Variants in MYOC observed in about 807,000 individuals in gnomAD.
MYOC encodes juvenile-onset open-angle glaucoma 1.
In MYOC, 29 loss-of-function variants were observed where a neutral mutation model predicts 28.2. The ratio of observed to expected loss-of-function variants is 1.03; its 90% confidence interval spans 0.77 to 1.40. MYOC has a LOEUF of 1.40. Among genes scored for constraint, MYOC ranks in the 40% most tolerant of loss-of-function variants. The probability of loss-of-function intolerance (pLI) is 0.00; values close to 1 mark genes in which losing one functional copy is unlikely to be tolerated. For missense variants in MYOC, 569 were observed against 620.6 expected (o/e 0.92, Z 0.88); for synonymous variants, 240 against 245.6 (o/e 0.98, Z 0.21).
chr1:171,637,881 G>A (rs1289759718), intron 2 of MYOC, among the ~76,000 whole-genome samples: 1 of 152,160 alleles, frequency 6.6e-6, no homozygotes, highest in Non-Finnish European at 1.5e-5. Context: ...CCAAAGTGCT[G>A]GGATTACAGG....
intron 1 of MYOC, among the ~76,000 whole-genome samples, chr1:171,641,552 G>A (rs766929483): frequency 3.9e-5 from 6 of 152,184 alleles, no homozygotes; most frequent in Non-Finnish European, 8.8e-5. Flanking sequence ...CTCTGGATTG[G>A]TTGGTTTGCA....
intron 1 of MYOC, among the ~76,000 whole-genome samples, chr1:171,646,501 G>GTTTTTTTTTTTTT (rs370758061): frequency 7.7e-6 from 1 of 129,900 alleles, no homozygotes; most frequent in Non-Finnish European, 1.6e-5. Context: ...TTTTTTTTTT[G>GTTTTTTTTTTTTT]TTTTTTTTTT....
At chr1:171,637,807 T>C (rs183571766) in intron 2 of MYOC, among the ~76,000 whole-genome samples, 1 of 151,994 alleles carries the variant, frequency 6.6e-6, no homozygotes, top group Non-Finnish European at 1.5e-5. Flanking sequence ...GAGACAGTGT[T>C]TCACCATGTT....
At chr1:171,649,887 A>G (rs1653312378) in intron 1 of MYOC, among the ~76,000 whole-genome samples, 1 of 152,234 alleles carries the variant, frequency 6.6e-6, no homozygotes, top group Non-Finnish European at 1.5e-5. Context: ...GACAAGCTGA[A>G]TAACCTCTCT....
chr1:171,636,419 A>C lies in MYOC; in HGVS notation c.1021T>G (p.Ser341Ala). ...AGCTCATATCTTATGACAGTTCTGG[A>C]CTCAGCGCCCTGGAAATAGAGGCTC... ...SGSLYFQGAE[S>A]RTVIRYELNT... The change falls in exon 3 of 3, where the codon TCC becomes GCC. Residue 341 changes from serine to alanine, a missense_variant. Physicochemically the swap from Ser to Ala is moderately conservative, Grantham distance 99 (BLOSUM62 1). Coordinates refer to ENST00000037502, the MANE Select transcript of MYOC (RefSeq NM_000261.2). 1 of 1,614,050 alleles carries C rather than the reference A, an allele frequency of 6.2e-7. No homozygotes were observed. The highest frequency in any genetic ancestry group is 8.5e-7 in the Non-Finnish European group (1 of 1,180,000).
At chr1:171,637,190 G>T (rs967468531) in intron 2 of MYOC, among the ~76,000 whole-genome samples, 1 of 152,048 alleles carries the variant, frequency 6.6e-6, no homozygotes, top group African/African-American at 2.4e-5. Context: ...TACTTAAGCT[G>T]GGCAGGGACC....
Position 171,639,767 on chromosome 1 carries a change from G to T in MYOC, c.605-1045C>A, listed in dbSNP as rs577622409. On this transcript the variant is annotated intron_variant, in intron 1 of 2. Coordinates refer to ENST00000037502, the MANE Select transcript of MYOC (RefSeq NM_000261.2). The stretch of plus-strand genomic sequence containing the variant: ...GGAGTTCAAGACTAGCCTGGCCAGC[G>T]TGGTGAAATTCCATCTTTACTAGAA... Among the ~76,000 whole-genome samples, 40 of 149,746 alleles carry T rather than the reference G, an allele frequency of 2.7e-4. No homozygotes were observed. In the South Asian group the frequency reaches 8.3e-3, roughly 31 times the overall value.
chr1:171,638,089 C>T (rs1013442309), intron 2 of MYOC, among the ~76,000 whole-genome samples: 3 of 152,122 alleles, frequency 2.0e-5, no homozygotes, highest in Non-Finnish European at 4.4e-5. Flanking sequence ...CTGGAAATCA[C>T]AGTATTAGTC....
At chr1:171,642,188 T>C (rs745589718) in intron 1 of MYOC, among the ~76,000 whole-genome samples, 37 of 152,178 alleles carry the variant, frequency 2.4e-4, no homozygotes, top group Non-Finnish European at 3.7e-4. Context: ...GCTACCCTTC[T>C]CTCCTCTCCA....
At chr1:171,638,280 C>G (rs1184237783) in intron 2 of MYOC, among the ~76,000 whole-genome samples, 1 of 152,194 alleles carries the variant, frequency 6.6e-6, no homozygotes, top group Admixed American at 6.5e-5. Context: ...TCAAGTATAT[C>G]TAATTCTACA....
intron 2 of MYOC, among the ~76,000 whole-genome samples, chr1:171,638,351 C>A (rs535636334): frequency 6.6e-5 from 10 of 152,226 alleles, no homozygotes; most frequent in African/African-American, 2.4e-4. Flanking sequence ...CCCAGCCCAG[C>A]CTCCCAAGTG....
intron 1 of MYOC, among the ~76,000 whole-genome samples, chr1:171,647,118 T>C (rs1368199105): frequency 6.6e-6 from 1 of 152,252 alleles, no homozygotes; most frequent in East Asian, 1.9e-4. Flanking sequence ...GACTAGCTAA[T>C]AGACTATTGT....
In MYOC at chr1:171,652,524, C is replaced by T; in HGVS notation, c.88G>A (p.Val30Met). The change falls in exon 1 of 3, where the codon GTG becomes ATG. Residue 30 changes from valine (V) to methionine (M), a missense_variant. Physicochemically the swap from Val to Met is conservative, Grantham distance 21. Coordinates refer to ENST00000037502, the MANE Select transcript of MYOC (RefSeq NM_000261.2). ...LLLLACLVWDVGARTAQLRKA... is the reference protein window; with the variant it reads ...LLLLACLVWDMGARTAQLRKA... ...CTGAGCTGAGCTGTCCTGGCCCCCA[C>T]ATCCCACACCAGGCAGGCCAGAAGC... 1 of 1,614,212 alleles carries T rather than the reference C, an allele frequency of 6.2e-7. No homozygotes were observed. Among genetic ancestry groups the T allele is most frequent in the African/African-American group, 1.3e-5 (1 of 75,050 alleles).
chr1:171,637,481 C>T (rs890182184), intron 2 of MYOC, among the ~76,000 whole-genome samples: 1 of 152,218 alleles, frequency 6.6e-6, no homozygotes, highest in African/African-American at 2.4e-5. Context: ...CCCCTCCCAT[C>T]TCAGCCTCCT....
At chr1:171,637,038 T>C (rs1652939747) in intron 2 of MYOC, among the ~76,000 whole-genome samples, 1 of 152,218 alleles carries the variant, frequency 6.6e-6, no homozygotes. Flanking sequence ...TCAATCTGTG[T>C]TTCATGTTAT....
chr1:171,642,881 C>T (rs1216078297), intron 1 of MYOC, among the ~76,000 whole-genome samples: 1 of 81,232 alleles, frequency 1.2e-5, no homozygotes. Flanking sequence ...ATAGGCTAGT[C>T]TATGTTTAAA....
intron 2 of MYOC, among the ~76,000 whole-genome samples, chr1:171,637,895 G>A (rs1002579560): frequency 2.3e-4 from 35 of 152,148 alleles, no homozygotes; most frequent in Non-Finnish European, 4.4e-5. Context: ...TTACAGGCAT[G>A]AGCCACCATG....
chr1:171,649,104 A>C (rs1446248858), intron 1 of MYOC, among the ~76,000 whole-genome samples: 1 of 152,080 alleles, frequency 6.6e-6, no homozygotes. Context: ...ACTTTGTAGT[A>C]ATAGTTATGT....
At chr1:171,641,333 T>C (rs1653073545) in intron 1 of MYOC, among the ~76,000 whole-genome samples, 1 of 151,284 alleles carries the variant, frequency 6.6e-6, no homozygotes, top group African/African-American at 2.4e-5. Context: ...CAGGGGAAAA[T>C]GTGGGAAAGC....
Sources: allele counts gnomAD v4.1 joint callset (sites outside exome capture counted in the v4.1 genomes callset), GRCh38; gene constraint gnomAD v4.1.1; transcripts MANE v1.5; gene names NCBI Gene and HGNC (gene_info 2026-07-23, HGNC 2026-07-21).